GABRG1: variants seen among roughly 807,000 people sequenced by gnomAD.
The protein encoded by GABRG1 is gamma-aminobutyric acid type A receptor subunit gamma1, also known as gamma-aminobutyric acid receptor subunit gamma-1.
Under a neutral mutation model 49.8 loss-of-function variants are expected in GABRG1, and 49 were observed. The ratio of observed to expected loss-of-function variants is 0.98; its 90% CI spans 0.78 to 1.25. The LOEUF is 1.25. Ranked by LOEUF, GABRG1 falls within the 50% of genes most tolerant of loss-of-function variation. The pLI is 0.00. For missense variants in GABRG1, 552 were observed against 552.3 expected (o/e 1.00, Z 0.01); for synonymous variants, 232 against 185.1 (o/e 1.25, Z -2.06).
At position 46,041,004 on chromosome 4, in the gene GABRG1, C is replaced by G; in HGVS notation, c.1382G>C (p.Gly461Ala). ...AAGTAGATTTTATAAGTAAAGATAG[C>G]CAACCCAATAAACCAAGTTGAACAG... ...FALFNLVYWVGYLYL is the reference protein window; with the variant it reads ...FALFNLVYWVAYLYL Residue 461 changes from glycine to alanine, a missense_variant, in exon 9 of 9, where the codon GGC becomes GCC. Coordinates refer to ENST00000295452, the MANE Select transcript of GABRG1 (RefSeq NM_173536.4). 1 of 1,611,152 alleles carries G rather than the reference C, an allele frequency of 6.2e-7. No homozygotes were observed. Among genetic ancestry groups the G allele is most frequent in the Middle Eastern group, 1.7e-4 (1 of 6,030 alleles).
intron 3 of GABRG1, among the ~76,000 whole-genome samples, chr4:46,073,397 G>T (rs1719212922): frequency 6.6e-6 from 1 of 151,978 alleles, no homozygotes; most frequent in Non-Finnish European, 1.5e-5. Context: ...CGTAACTCAG[G>T]TCATCCATAT....
At chr4:46,044,749 A>G (rs1418811763) in intron 8 of GABRG1, among the ~76,000 whole-genome samples, 1 of 152,068 alleles carries the variant, frequency 6.6e-6, no homozygotes, top group Non-Finnish European at 1.5e-5. Context: ...CCACCTCCAG[A>G]TCAGCTGCAC....
Position 46,105,807 on chromosome 4 carries a change from A to AGATG in GABRG1, c.105-8459_105-8458insCATC, listed in dbSNP as rs1553883534. ...GTAGATAGATGATAGATAGATAGAT[A>AGATG]GATAGATAGATAGATAGATAGATAG... is the stretch of plus-strand genomic sequence containing the variant. On this transcript the variant is annotated intron_variant, in intron 1 of 8. Transcript: ENST00000295452. 3.3e-4 allele frequency among the ~76,000 whole-genome samples: 46 copies of AGATG among 138,616 alleles called. No individual in the cohort carries two copies. The East Asian group carries it at 9.1e-3, about 27-fold the overall frequency. 90.9% of individuals were successfully genotyped at this position (138,616 alleles called of 152,430 possible).
chr4:46,040,945 A>T lies in GABRG1; in HGVS notation c.*43T>A. The T allele has an allele frequency of 1.3e-6, 2 of 1,562,552 alleles. No individual in the cohort carries two copies. Among genetic ancestry groups the T allele is most frequent in the Non-Finnish European group, 1.7e-6 (2 of 1,151,670 alleles). ...TACTGAAGCACAAAAGATTCTACTG[A>T]ATTTAGTCAGACTTCTTTTGATTTT... On this transcript the variant is annotated 3_prime_UTR_variant, in exon 9 of 9. Transcript: ENST00000295452.
At chr4:46,057,855 C>T (rs1718510098) in intron 7 of GABRG1, among the ~76,000 whole-genome samples, 1 of 152,042 alleles carries the variant, frequency 6.6e-6, no homozygotes, top group Admixed American at 6.6e-5. Context: ...ATTAGTGACT[C>T]AGCTATAACA....
chr4:46,063,661 A>T (rs1436392572), intron 5 of GABRG1, among the ~76,000 whole-genome samples: 1 of 152,162 alleles, frequency 6.6e-6, no homozygotes, highest in South Asian at 2.1e-4. Flanking sequence ...AATGGCAACA[A>T]AAGCCAAAAT....
chr4:46,056,978 TATAA>T (rs1266612100), intron 7 of GABRG1, among the ~76,000 whole-genome samples: 1 of 152,124 alleles, frequency 6.6e-6, no homozygotes, highest in Non-Finnish European at 1.5e-5. Flanking sequence ...AACCCAGTGG[TATAA>T]ATAATCCATT....
chr4:46,075,235 A>C (rs1043533735), intron 3 of GABRG1, among the ~76,000 whole-genome samples: 50 of 152,178 alleles, frequency 3.3e-4, no homozygotes, highest in African/African-American at 1.1e-3. Context: ...TTATAGGTGA[A>C]AATGGCCTAG....
chr4:46,041,326 C>T (rs554746257), intron 8 of GABRG1, 72 bp from the exon 9 acceptor site: 17 of 1,431,672 alleles, frequency 1.2e-5, no homozygotes, highest in Admixed American at 3.9e-5. Flanking sequence ...GCTCCTTTAA[C>T]GCAAACTCTA....
At chr4:46,079,347 C>G (rs1021791171) in intron 3 of GABRG1, among the ~76,000 whole-genome samples, 1 of 151,842 alleles carries the variant, frequency 6.6e-6, no homozygotes, top group South Asian at 2.1e-4. Context: ...GCCCTGTCTC[C>G]GTTACTAAGA....
chr4:46,064,635 A>G (rs1014556986), intron 4 of GABRG1, 112 bp from the exon 5 acceptor site: 6 of 460,594 alleles, frequency 1.3e-5, no homozygotes, highest in African/African-American at 1.2e-4. Flanking sequence ...ATTGTGACCT[A>G]TTAGAATATA....
rs531101632 is a variant in GABRG1, at chr4:46,117,017, A to G, written c.104+6793T>C. On this transcript the variant is annotated intron_variant, in intron 1 of 8. Coordinates refer to ENST00000295452, the MANE Select transcript of GABRG1 (RefSeq NM_173536.4). Reference sequence around the variant, plus strand: ...GAGGTGAATGATATCCCTGTACTTAAGCATACTGTACCTAATGTACAACCA... The same window carrying G: ...GAGGTGAATGATATCCCTGTACTTAGGCATACTGTACCTAATGTACAACCA... Among the ~76,000 whole-genome samples the G allele has an allele frequency of 1.3e-4, 20 of 150,572 alleles. No homozygotes were observed. In the Admixed American group the frequency reaches 1.3e-3, roughly 10 times the overall value.
chr4:46,081,358 C>T (rs953501215), intron 3 of GABRG1, among the ~76,000 whole-genome samples: 4 of 151,834 alleles, frequency 2.6e-5, no homozygotes, highest in African/African-American at 7.2e-5. Context: ...AATTTATCCA[C>T]AGCCAGTTCA....
At chr4:46,058,705 G>T in intron 5 of GABRG1, 83 bp from the exon 6 acceptor site, 1 of 1,051,944 alleles carries the variant, frequency 9.5e-7, no homozygotes, top group Non-Finnish European at 1.4e-6. Flanking sequence ...TAGATTCTTG[G>T]AACTTTCTCC....
At chr4:46,118,864 T>C (rs1464824830) in intron 1 of GABRG1, among the ~76,000 whole-genome samples, 4 of 151,268 alleles carry the variant, frequency 2.6e-5, no homozygotes, top group African/African-American at 9.7e-5. Flanking sequence ...CACTAACAAG[T>C]TTCTGCTTAA....
chr4:46,086,748 G>T (rs1441787722), intron 2 of GABRG1, among the ~76,000 whole-genome samples: 1 of 151,470 alleles, frequency 6.6e-6, no homozygotes, highest in Non-Finnish European at 1.5e-5. Flanking sequence ...ACAATTCCAA[G>T]AAAGCAAGCA....
chr4:46,061,001 GA>G (rs1718651758), intron 5 of GABRG1, among the ~76,000 whole-genome samples: 1 of 152,112 alleles, frequency 6.6e-6, no homozygotes, highest in Non-Finnish European at 1.5e-5. Context: ...TAGAGTGCCT[GA>G]AAAAAATTAG....
At chr4:46,046,415 T>C (rs1577628747) in intron 8 of GABRG1, among the ~76,000 whole-genome samples, 1 of 152,252 alleles carries the variant, frequency 6.6e-6, no homozygotes, top group African/African-American at 2.4e-5. Flanking sequence ...CATTCCACCA[T>C]GCACTGACTC....
chr4:46,084,187 T>G, intron 2 of GABRG1, 134 bp from the exon 3 acceptor site: 1 of 598,118 alleles, frequency 1.7e-6, no homozygotes, highest in Non-Finnish European at 3.0e-6. Flanking sequence ...TATTATGAAA[T>G]GCAGAAATGT....
Sources: gnomAD v4.1 joint callset for allele counts (sites outside exome capture counted in the v4.1 genomes callset) on GRCh38, gnomAD v4.1.1 for gene constraint, MANE v1.5 for transcripts, NCBI Gene and HGNC (gene_info 2026-07-23, HGNC 2026-07-21) for gene names.